Variants in TNIP1 observed in about 807,000 individuals in gnomAD.
TNIP1 encodes TNFAIP3-interacting protein 1.
Under a neutral mutation model 86.6 loss-of-function variants are expected in TNIP1, and 22 were observed. The ratio of observed to expected loss-of-function variants is 0.25; its 90% CI spans 0.18 to 0.36. The LOEUF (loss-of-function observed/expected upper bound fraction) is 0.36, where lower values mean the gene tolerates loss of function less well. TNIP1 is among the 10% of genes least tolerant of loss of function. The pLI is 1.00. For synonymous variants in TNIP1, 294 were observed against 313.0 expected (o/e 0.94, Z 0.64); for missense variants, 709 against 820.6 (o/e 0.86, Z 1.66).
upstream of TNIP1, chr5:151,087,556 C>T (rs373625424): frequency 1.3e-5 from 2 of 152,274 alleles, no homozygotes; most frequent in Admixed American, 6.5e-5. Flanking sequence ...TGCCAGATGC[C>T]CAGCCCACAT....
chr5:151,045,372 G>A (rs1759019061), intron 9 of TNIP1, among the ~76,000 whole-genome samples: 1 of 151,934 alleles, frequency 6.6e-6, no homozygotes, highest in Admixed American at 6.5e-5. Context: ...TTACAGGCAT[G>A]AGCCACCGCA....
intron 1 of TNIP1, among the ~76,000 whole-genome samples, chr5:151,077,865 G>A (rs776983363): frequency 6.6e-6 from 1 of 152,178 alleles, no homozygotes; most frequent in Non-Finnish European, 1.5e-5. Flanking sequence ...ATCTTTTAGG[G>A]TCTTTCCCAG....
chr5:151,082,009 G>A (rs546394338), upstream of TNIP1, among the ~76,000 whole-genome samples: 2 of 152,162 alleles, frequency 1.3e-5, no homozygotes, highest in African/African-American at 2.4e-5. Context: ...AAAACCTATT[G>A]CAAAAGACCC....
At position 151,030,193 on chromosome 5, in the gene TNIP1, T is replaced by A; in HGVS notation, c.*520A>T. On this transcript the variant is annotated 3_prime_UTR_variant, in exon 18 of 18. Transcript: ENST00000521591. ...GGTGGAGAGGGCCCCAGAGCCAGAA[T>A]ATCCATCATTCTCTTCTGTTCTGGA... 2.2e-6 allele frequency: 1 copy of A among 456,116 alleles called. No homozygotes were observed. Among genetic ancestry groups the A allele is most frequent in the South Asian group, 1.5e-5 (1 of 64,530 alleles). 28.3% of individuals were successfully genotyped at this position (456,116 alleles called of 1,614,324 possible). A position where few individuals can be genotyped will look rare whatever the true frequency, so the allele number is the denominator to read the frequency against.
At chr5:151,063,794 T>A (rs1326149213) in intron 2 of TNIP1, 47 bp from the exon 3 acceptor site, 4 of 1,595,906 alleles carry the variant, frequency 2.5e-6, no homozygotes. Flanking sequence ...CTCGGCTCAG[T>A]GTGCTGCTTC....
At chr5:151,071,632 C>G (rs1281604823) in intron 1 of TNIP1, among the ~76,000 whole-genome samples, 2 of 152,132 alleles carry the variant, frequency 1.3e-5, no homozygotes, top group Admixed American at 1.3e-4. Context: ...TAGGTGCTAT[C>G]CCCTCCCCGA....
upstream of TNIP1, among the ~76,000 whole-genome samples, chr5:151,084,132 T>G (rs893724455): frequency 4.6e-5 from 7 of 152,172 alleles, no homozygotes; most frequent in Non-Finnish European, 8.8e-5. Context: ...AGTGCCAGGC[T>G]TGAAGGGTCT....
chr5:151,064,093 C>T (rs1027393276), intron 2 of TNIP1, among the ~76,000 whole-genome samples: 5 of 152,230 alleles, frequency 3.3e-5, no homozygotes, highest in African/African-American at 4.8e-5. Context: ...CCCCACCCTA[C>T]GGGCTACCCA....
At chr5:151,041,064 C>T (rs372549118) in intron 11 of TNIP1, among the ~76,000 whole-genome samples, 1 of 149,262 alleles carries the variant, frequency 6.7e-6, no homozygotes, top group African/African-American at 2.5e-5. Flanking sequence ...ACTTCTTCTT[C>T]GTAGTACTTT....
At chr5:151,086,193 C>T (rs987433511) in intron 1 of TNIP1, among the ~76,000 whole-genome samples, 4 of 152,200 alleles carry the variant, frequency 2.6e-5, no homozygotes, top group African/African-American at 9.6e-5. Context: ...AGACCCGCTT[C>T]CTGCTCTCTC....
chr5:151,052,078 T>C (rs1759999936), intron 7 of TNIP1, 87 bp downstream of exon 7: 1 of 1,225,860 alleles, frequency 8.2e-7, no homozygotes. Flanking sequence ...AGAGCCACGG[T>C]CCTCAACCCA....
Position 151,036,854 on chromosome 5 carries a change from T to C in TNIP1, c.1331A>G (p.Glu444Gly). The change falls in exon 13 of 18, where the codon GAA becomes GGA. Residue 444 changes from glutamate to glycine, a missense_variant. Glu to Gly is a moderately conservative substitution (Grantham distance 98). Transcript: ENST00000521591. ...SSPPTAFGSP[E>G]GAGALLRKQE... ...TTTCCTTAGGAGGGCCCCTGCTCCT[T>C]CTGGGCTCCCAAATGCTGTTGGTGG... The C allele has an allele frequency of 6.2e-7, 1 of 1,613,638 alleles. No homozygotes were observed. The highest frequency in any genetic ancestry group is 8.5e-7 in the Non-Finnish European group (1 of 1,179,754).
chr5:151,083,540 G>C (rs1461349892), upstream of TNIP1, among the ~76,000 whole-genome samples: 1 of 152,360 alleles, frequency 6.6e-6, no homozygotes, highest in African/African-American at 2.4e-5. Flanking sequence ...TGGGCCTGAC[G>C]CTGGGAGCTG....
In TNIP1 at chr5:151,045,019, C is replaced by A. The variant is rs962838094; in HGVS notation, c.936+842G>T. Among the ~76,000 whole-genome samples, 31 of 152,198 alleles carry A rather than the reference C, an allele frequency of 2.0e-4. 1 individual carries two copies. The highest frequency in any genetic ancestry group is 2.9e-5 in the Non-Finnish European group (2 of 68,042). On this transcript the variant is annotated intron_variant, in intron 9 of 17. Coordinates refer to ENST00000521591, the MANE Select transcript of TNIP1 (RefSeq NM_006058.5). The stretch of plus-strand genomic sequence containing the variant: ...GCTTCGGCTGCTGGCTGGTCCTTTT[C>A]ATTCTTGCCTAAGAAAATTCTTGAA...
Position 151,033,744 on chromosome 5 carries a change from T to C in TNIP1, c.1643A>G (p.Tyr548Cys). Residue 548 changes from tyrosine to cysteine, a missense_variant, in exon 16 of 18, where the codon TAC (tyrosine) becomes TGC (cysteine). Tyr to Cys is a radical substitution (Grantham distance 194, BLOSUM62 -2). Coordinates refer to ENST00000521591, the MANE Select transcript of TNIP1 (RefSeq NM_006058.5). ...EPHPEHLCGAYPYAYPPMPAM... is the reference protein window; with the variant it reads ...EPHPEHLCGACPYAYPPMPAM... ...TGGCATGGGCGGGTAGGCGTAGGGG[T>C]AGGCCCCGCAGAGATGTTCTGGGTG... 1 of 1,363,228 alleles carries C rather than the reference T, an allele frequency of 7.3e-7. No homozygotes were observed. Among genetic ancestry groups the C allele is most frequent in the Non-Finnish European group, 9.5e-7 (1 of 1,049,770 alleles). The allele number at this position is 1,363,228 out of a possible 1,614,324, so 84.4% of individuals were successfully genotyped here.
chr5:151,076,063 C>G (rs1462913634), intron 1 of TNIP1, among the ~76,000 whole-genome samples: 1 of 152,222 alleles, frequency 6.6e-6, no homozygotes, highest in Non-Finnish European at 1.5e-5. Flanking sequence ...TCAGCTCTGC[C>G]CAGAGCAGCC....
intron 4 of TNIP1, among the ~76,000 whole-genome samples, chr5:151,061,034 G>A (rs551523180): frequency 7.9e-5 from 12 of 152,310 alleles, no homozygotes; most frequent in African/African-American, 2.4e-4. Flanking sequence ...ACCAAATTTG[G>A]AGACTATTTC....
chr5:151,051,903 T>C (rs1023628679), intron 7 of TNIP1, among the ~76,000 whole-genome samples: 2 of 152,148 alleles, frequency 1.3e-5, no homozygotes, highest in African/African-American at 4.8e-5. Flanking sequence ...AGGCAAGTGC[T>C]GGAGGAGGAA....
rs1285283117 is a variant in TNIP1, at chr5:151,054,891, G to A, written c.627+1875C>T. Among the ~76,000 whole-genome samples the A allele has an allele frequency of 2.6e-5, 4 of 152,322 alleles. No homozygotes were observed. In the East Asian group the frequency reaches 7.7e-4, roughly 29 times the overall value. Reference sequence around the variant, plus strand: ...GCCATGTCTCTGGGCGAGGCCTCCAGGGAACAGAATGGCCTGCTCCTAGTC... The same window carrying A: ...GCCATGTCTCTGGGCGAGGCCTCCAAGGAACAGAATGGCCTGCTCCTAGTC... On this transcript the variant is annotated intron_variant, in intron 6 of 17. Coordinates refer to ENST00000521591, the MANE Select transcript of TNIP1 (RefSeq NM_006058.5).
Sources: allele counts gnomAD v4.1 joint callset (sites outside exome capture counted in the v4.1 genomes callset), GRCh38; gene constraint gnomAD v4.1.1; transcripts MANE v1.5; gene names NCBI Gene and HGNC (gene_info 2026-07-23, HGNC 2026-07-21).